Variants in HAP1 observed in about 807,000 individuals in gnomAD.
HAP1 encodes huntingtin-associated protein 1.
In HAP1, 59 loss-of-function variants were observed where a neutral mutation model predicts 60.3. The observed-to-expected ratio is 0.98, with a 90% CI of 0.79 to 1.22. The LOEUF is 1.22. Ranked by LOEUF, HAP1 falls within the 50% of genes most tolerant of loss-of-function variation. The probability of loss-of-function intolerance (pLI) is 0.00; values close to 1 mark genes in which losing one functional copy is unlikely to be tolerated. For missense variants in HAP1, 825 were observed against 785.3 expected, an observed-to-expected ratio of 1.05 and a Z score of -0.60; for synonymous variants, 346 against 330.6, an observed-to-expected ratio of 1.05 and a Z score of -0.50.
chr17:41,723,262 A>C lies in HAP1; in HGVS notation c.*1439T>G, dbSNP rs1555587539. 1.3e-5 allele frequency: 2 copies of C among 152,466 alleles called. No homozygotes were observed. The highest frequency in any genetic ancestry group is 2.9e-5 in the Non-Finnish European group (2 of 68,106). 9.4% of individuals were successfully genotyped at this position (152,466 alleles called of 1,614,324 possible). ...CAGCTTTTGCACCAGCTGCAGAGCGAGGGCCGGGGTTCCTACCGCCTGTCC... is the reference window on the plus strand; with the variant it reads ...CAGCTTTTGCACCAGCTGCAGAGCGCGGGCCGGGGTTCCTACCGCCTGTCC... On this transcript the variant is annotated 3_prime_UTR_variant, in exon 11 of 11. Coordinates refer to ENST00000347901, the MANE Select transcript of HAP1 (RefSeq NM_177977.3).
rs781995761 is a variant in HAP1, at chr17:41,732,279, A to G, written c.665T>C (p.Met222Thr). 2.5e-5 allele frequency: 41 copies of G among 1,614,028 alleles called. No homozygotes were observed. The highest frequency in any genetic ancestry group is 2.3e-4 in the South Asian group (21 of 91,092). ...GGCTTCCAGCTTGCTGTTCTCCTCC[A>G]TCAAAACACTGTTCTGTTTCACCAG... ...QSLVKQNSVL[M>T]EENSKLEALL... is the part of the protein sequence containing the mutation. The change falls in exon 3 of 11, where the codon ATG becomes ACG. Residue 222 changes from methionine (M) to threonine (T), a missense_variant. By Grantham distance (81) the Met-to-Thr change is moderately conservative. Coordinates refer to ENST00000347901, the MANE Select transcript of HAP1 (RefSeq NM_177977.3).
rs1911699270 is a variant in HAP1 at position 41,727,052 on chromosome 17, C to T, written c.1367+1G>A. ...GGCAAGGGAGGGCCCCAGCCACGCA[C>T]CTCTCCATAAAATACACAGGGTCTG... On this transcript the variant is annotated splice_donor_variant, in intron 9 of 10. Coordinates refer to ENST00000347901, the MANE Select transcript of HAP1 (RefSeq NM_177977.3). LOFTEE classifies it high-confidence loss of function. 6.7e-7 allele frequency: 1 copy of T among 1,502,594 alleles called. No homozygotes were observed. The highest frequency in any genetic ancestry group is 1.2e-5 in the South Asian group (1 of 85,048). 93.1% of individuals were successfully genotyped at this position (1,502,594 alleles called of 1,614,324 possible).
Position 41,727,844 on chromosome 17 carries a change from G to T in HAP1, c.1201-8C>A. ...TTCAGTCTCAGCCCCATACTGGAAG[G>T]ACCCAAAACCAGTGAACCCCCATCT... On this transcript the variant is annotated splice_region_variant and splice_polypyrimidine_tract_variant and intron_variant, in intron 7 of 10. Coordinates refer to ENST00000347901, the MANE Select transcript of HAP1 (RefSeq NM_177977.3). 1 of 1,573,794 alleles carries T rather than the reference G, an allele frequency of 6.4e-7. No homozygotes were observed. The highest frequency in any genetic ancestry group is 8.7e-7 in the Non-Finnish European group (1 of 1,144,154).
intron 6 of HAP1, among the ~76,000 whole-genome samples, chr17:41,729,044 G>A (rs545274833): frequency 2.0e-5 from 3 of 152,086 alleles, no homozygotes; most frequent in South Asian, 2.1e-4. Flanking sequence ...GAGTCCAAGC[G>A]ATTTTCCTGC....
rs781896860 is a variant in HAP1, at chr17:41,731,737, C to T, written c.903G>A (p.Ser301=). The T allele has an allele frequency of 3.0e-5, 48 of 1,611,958 alleles. No homozygotes were observed. The highest frequency in any genetic ancestry group is 1.1e-4 in the South Asian group (10 of 91,032). The change falls in exon 5 of 11, where the codon TCG becomes TCA. Residue 301 remains serine (S), a synonymous_variant. Transcript: ENST00000347901. ...GGTGCTGGTGCAGCAATGCCTCCTG[C>T]GAAATCCTAGGGGAGGGAGGAATGG... ...AHPCDAPKLI[S]QEALLHQHHC...
chr17:41,733,625 G>A (rs1912444468), intron 1 of HAP1, among the ~76,000 whole-genome samples: 1 of 152,034 alleles, frequency 6.6e-6, no homozygotes. Flanking sequence ...CAGATTAGGA[G>A]ACACTCGAGC....
chr17:41,720,489 C>T (rs1911156636), downstream of HAP1, among the ~76,000 whole-genome samples: 1 of 152,170 alleles, frequency 6.6e-6, no homozygotes, highest in Non-Finnish European at 1.5e-5. Flanking sequence ...GCCACCGTGC[C>T]CAGCCCAGAG....
chr17:41,725,149 T>A lies in HAP1; in HGVS notation c.1412A>T (p.Asp471Val). The A allele has an allele frequency of 1.3e-6, 2 of 1,577,382 alleles. No homozygotes were observed. Among genetic ancestry groups the A allele is most frequent in the Middle Eastern group, 1.7e-4 (1 of 5,872 alleles). The part of the protein sequence containing the change: ...PRGDTSSLRY[D>V]FRYSEDREQV... ...CTCTCGATCCTCACTGTAGCGAAAATCATACCTGGGCGGGAGATAGCGACA... is the reference window on the plus strand; with the variant it reads ...CTCTCGATCCTCACTGTAGCGAAAAACATACCTGGGCGGGAGATAGCGACA... The change falls in exon 11 of 11, where the codon GAT becomes GTT. Residue 471 changes from aspartate (D) to valine (V), a missense_variant. Asp to Val is a radical substitution (Grantham distance 152). Transcript: ENST00000347901.
downstream of HAP1, among the ~76,000 whole-genome samples, chr17:41,719,569 T>C (rs1315357023): frequency 6.6e-6 from 1 of 152,052 alleles, no homozygotes; most frequent in African/African-American, 2.4e-5. Flanking sequence ...GTTATGCATC[T>C]GTAATCCCAG....
chr17:41,725,004 C>T lies in HAP1; in HGVS notation c.1557G>A (p.Lys519=). 13 of 1,612,194 alleles carry T rather than the reference C, an allele frequency of 8.1e-6. No individual in the cohort carries two copies. Among genetic ancestry groups the T allele is most frequent in the Non-Finnish European group, 1.1e-5 (13 of 1,179,368 alleles). ...VPQEELGAAK[K]VPAEEGVMEE... is the part of the protein sequence containing the mutation. The stretch of plus-strand genomic sequence containing the variant: ...CCATCACCCCTTCCTCAGCCGGCAC[C>T]TTCTTGGCAGCCCCCAGCTCCTCCT... Residue 519 remains lysine, a synonymous_variant, in exon 11 of 11, where the codon AAG becomes AAA. Transcript: ENST00000347901.
rs1555587385 is a variant in HAP1, at chr17:41,722,763, G to A, written c.*1938C>T. The A allele has an allele frequency of 6.6e-6, 1 of 152,008 alleles. No individual in the cohort carries two copies. The highest frequency in any genetic ancestry group is 1.5e-5 in the Non-Finnish European group (1 of 68,104). 9.4% of individuals were successfully genotyped at this position (152,008 alleles called of 1,614,324 possible). ...CAGGAGGCCTCAGTCCCAGCCCCCA[G>A]CTATTGAGGAACAAAGGTGTGGGAA... On this transcript the variant is annotated 3_prime_UTR_variant, in exon 11 of 11. Transcript: ENST00000347901.
chr17:41,725,957 G>T, intron 9 of HAP1, 60 bp from the exon 10 acceptor site: 1 of 1,293,880 alleles, frequency 7.7e-7, no homozygotes. Context: ...CAGTCCCTGG[G>T]GCTTGGTCAA....
intron 6 of HAP1, 119 bp downstream of exon 6, chr17:41,731,374 T>G: frequency 2.6e-6 from 2 of 770,448 alleles, no homozygotes; most frequent in Non-Finnish European, 4.7e-6. Context: ...TGTATCCAAG[T>G]TCACACAGCT....
At position 41,725,050 on chromosome 17, in the gene HAP1, G is replaced by A; in HGVS notation, c.1511C>T (p.Pro504Leu). 1.2e-6 allele frequency: 2 copies of A among 1,612,488 alleles called. No homozygotes were observed. Among genetic ancestry groups the A allele is most frequent in the South Asian group, 1.1e-5 (1 of 90,990 alleles). The change falls in exon 11 of 11, where the codon CCT becomes CTT. Residue 504 changes from proline (P) to leucine (L), a missense_variant. Coordinates refer to ENST00000347901, the MANE Select transcript of HAP1 (RefSeq NM_177977.3). ...CTCCTGGGGCACGAACTCCTCCGCA[G>A]GCGTGAAATCTTCCCCCCGCATGAT... ...ADIMRGEDFT[P>L]AEEFVPQEEL...
intron 6 of HAP1, among the ~76,000 whole-genome samples, chr17:41,728,777 G>T (rs1911890757): frequency 2.0e-5 from 3 of 152,162 alleles, no homozygotes; most frequent in African/African-American, 7.2e-5. Flanking sequence ...CAAGCTGACT[G>T]GAAAGGCCCA....
rs575199742 is a variant in HAP1, at chr17:41,732,890, G to C, written c.470-92C>G. ...GCAAACAGCTGTTTCCCGTCCTATC[G>C]TCAGTTCTCCAACAAGGGTCATCGG... On this transcript the variant is annotated intron_variant, in intron 1 of 10. Transcript: ENST00000347901. The C allele has an allele frequency of 3.8e-6, 3 of 791,616 alleles. No homozygotes were observed. In the South Asian group the frequency reaches 4.1e-5, roughly 11 times the overall value. The allele number at this position is 791,616 out of a possible 1,614,324, so 49.0% of individuals were successfully genotyped here.
Position 41,731,723 on chromosome 17 carries a change from A to G in HAP1, c.917T>C (p.Leu306Pro), listed in dbSNP as rs781985506. The G allele has an allele frequency of 1.9e-6, 3 of 1,613,722 alleles. No homozygotes were observed. Among genetic ancestry groups the G allele is most frequent in the Non-Finnish European group, 2.5e-6 (3 of 1,179,664 alleles). The change falls in exon 5 of 11, where the codon CTG becomes CCG. Residue 306 changes from leucine (L) to proline (P), a missense_variant. Coordinates refer to ENST00000347901, the MANE Select transcript of HAP1 (RefSeq NM_177977.3). ...APKLISQEAL[L>P]HQHHCPQLEA... The stretch of plus-strand genomic sequence containing the variant: ...CAGCTGTGGGCAGTGGTGCTGGTGC[A>G]GCAATGCCTCCTGCGAAATCCTAGG...
At position 41,732,087 on chromosome 17, in the gene HAP1, C is replaced by T. The variant is rs782074480; in HGVS notation, c.746G>A (p.Arg249Gln). 9.9e-6 allele frequency: 16 copies of T among 1,613,750 alleles called. No homozygotes were observed. The highest frequency in any genetic ancestry group is 1.3e-5 in the Non-Finnish European group (15 of 1,179,736). ...TGAGTAGAGCTGGAGGAGCTCATCC[C>T]GCAAGTTCACCTGGTGTCTGAGGTA... ...ILYLRHQVNL[R>Q]DELLQLYSDS... Residue 249 changes from arginine (R) to glutamine (Q), a missense_variant, in exon 4 of 11, where the codon CGG becomes CAG. By Grantham distance (43) the Arg-to-Gln change is conservative (BLOSUM62 1). Coordinates refer to ENST00000347901, the MANE Select transcript of HAP1 (RefSeq NM_177977.3).
chr17:41,724,520 G>C lies in HAP1; in HGVS notation c.*181C>G, dbSNP rs1002089912. 8.4e-6 allele frequency: 5 copies of C among 594,008 alleles called. No homozygotes were observed. The highest frequency in any genetic ancestry group is 1.5e-5 in the Non-Finnish European group (5 of 335,214). The allele number at this position is 594,008 out of a possible 1,614,324, so 36.8% of individuals were successfully genotyped here. ...CCCCAGCCCAGCCCCCAGGAGAAAA[G>C]TGGATGGAGATCTGGAATCCTAAGC... is the stretch of plus-strand genomic sequence containing the variant. On this transcript the variant is annotated 3_prime_UTR_variant, in exon 11 of 11. Coordinates refer to ENST00000347901, the MANE Select transcript of HAP1 (RefSeq NM_177977.3).
Sources: allele counts gnomAD v4.1 joint callset (sites outside exome capture counted in the v4.1 genomes callset), GRCh38; gene constraint gnomAD v4.1.1; transcripts MANE v1.5; gene names NCBI Gene and HGNC (gene_info 2026-07-23, HGNC 2026-07-21).